The following FRMPD2 variants were observed in gnomAD, a reference collection of about 807,000 sequenced individuals.
FRMPD2 encodes FERM and PDZ domain containing 2, also known as FERM and PDZ domain-containing protein 2.
A neutral mutation model predicts 140.1 loss-of-function variants in FRMPD2; 96 were observed. The observed-to-expected ratio is 0.69, with a 90% CI of 0.58 to 0.81. The LOEUF (loss-of-function observed/expected upper bound fraction) is 0.81, where lower values mean the gene tolerates loss of function less well. Ranked by LOEUF, FRMPD2 falls within the 40% of genes least tolerant of loss-of-function variation. The pLI is 0.00. For missense variants in FRMPD2, 1,240 were observed against 1,447.4 expected, an observed-to-expected ratio of 0.86 and a Z score of 2.32; for synonymous variants, 449 against 547.6, an observed-to-expected ratio of 0.82 and a Z score of 2.52.
At chr10:48,237,214 G>A (rs1265634174) in intron 8 of FRMPD2, among the ~76,000 whole-genome samples, 1 of 152,046 alleles carries the variant, frequency 6.6e-6, no homozygotes, top group African/African-American at 2.4e-5. Context: ...GTGCCCCCAA[G>A]GGTACCTAGC....
At position 48,214,974 on chromosome 10, in the gene FRMPD2, A is replaced by G. The variant is rs565555106; in HGVS notation, c.1456-2865T>C. On this transcript the variant is annotated intron_variant, in intron 12 of 28. Transcript: ENST00000374201. ...TTCACAACTGTGTAAAAACCCCCGC[A>G]TGTGATCAAGGCAGGGAGAGAATGC... Among the ~76,000 whole-genome samples the G allele has an allele frequency of 2.0e-5, 3 of 152,354 alleles. No individual in the cohort carries two copies. In the South Asian group the frequency reaches 6.2e-4, roughly 32 times the overall value.
At chr10:48,230,669 T>C (rs970273969) in intron 10 of FRMPD2, among the ~76,000 whole-genome samples, 2 of 152,174 alleles carry the variant, frequency 1.3e-5, no homozygotes, top group Non-Finnish European at 2.9e-5. Context: ...AAGGTGAAAA[T>C]TGTATTACAC....
At chr10:48,189,887 C>T (rs568864470) in intron 16 of FRMPD2, among the ~76,000 whole-genome samples, 3 of 152,298 alleles carry the variant, frequency 2.0e-5, no homozygotes, top group Admixed American at 2.0e-4. Context: ...CAGACCAACC[C>T]ATATTCAGCT....
intron 3 of FRMPD2, among the ~76,000 whole-genome samples, chr10:48,245,992 C>T (rs978228096): frequency 6.6e-6 from 1 of 152,210 alleles, no homozygotes; most frequent in Non-Finnish European, 1.5e-5. Context: ...TCACCTGTGA[C>T]AACTCATTAG....
At chr10:48,184,443 A>G (rs975411709) in intron 20 of FRMPD2, 123 bp downstream of exon 20, 3 of 654,408 alleles carry the variant, frequency 4.6e-6, no homozygotes, top group Non-Finnish European at 2.7e-6. Flanking sequence ...TTTGCAAGCC[A>G]ACACCATGAG....
At chr10:48,200,808 G>T (rs966928000) in intron 15 of FRMPD2, among the ~76,000 whole-genome samples, 2 of 152,132 alleles carry the variant, frequency 1.3e-5, no homozygotes, top group African/African-American at 4.8e-5. Context: ...TATTTATCTG[G>T]TCTTCTATGT....
intron 9 of FRMPD2, among the ~76,000 whole-genome samples, chr10:48,234,196 G>C (rs867340947): frequency 6.6e-6 from 1 of 152,200 alleles, no homozygotes; most frequent in African/African-American, 2.4e-5. Context: ...CAGGGTCCCA[G>C]GTACCTGCAA....
At chr10:48,195,996 A>G (rs1838940867) in intron 15 of FRMPD2, among the ~76,000 whole-genome samples, 1 of 152,214 alleles carries the variant, frequency 6.6e-6, no homozygotes, top group Non-Finnish European at 1.5e-5. Flanking sequence ...ACCTGGGGGC[A>G]GTCAATCAGG....
intron 9 of FRMPD2, among the ~76,000 whole-genome samples, chr10:48,235,170 C>G (rs1564434376): frequency 6.6e-6 from 1 of 152,214 alleles, no homozygotes. Context: ...ACCCCAGCCC[C>G]TCACACACCA....
intron 10 of FRMPD2, among the ~76,000 whole-genome samples, chr10:48,224,760 T>C (rs1358745855): frequency 6.6e-6 from 1 of 152,038 alleles, no homozygotes; most frequent in Non-Finnish European, 1.5e-5. Context: ...GGCCACCTGA[T>C]TGGGAGAAGG....
At chr10:48,195,307 A>C (rs1041534452) in intron 15 of FRMPD2, among the ~76,000 whole-genome samples, 16 of 152,262 alleles carry the variant, frequency 1.1e-4, no homozygotes, top group Admixed American at 3.9e-4. Flanking sequence ...ATGCATTTGT[A>C]AAAGCTCAGT....
At chr10:48,256,216 C>T (rs953283969) in intron 1 of FRMPD2, among the ~76,000 whole-genome samples, 1 of 151,044 alleles carries the variant, frequency 6.6e-6, no homozygotes, top group African/African-American at 2.4e-5. Context: ...CTGCTCCCTG[C>T]CCCCCCACCC....
intron 20 of FRMPD2, among the ~76,000 whole-genome samples, chr10:48,183,087 T>C (rs1027097932): frequency 6.6e-6 from 1 of 152,172 alleles, no homozygotes; most frequent in Non-Finnish European, 1.5e-5. Context: ...GGGAGCTGCA[T>C]GGCACTGTGT....
intron 16 of FRMPD2, 110 bp downstream of exon 16, chr10:48,192,574 G>C (rs937024628): frequency 1.0e-6 from 1 of 999,050 alleles, no homozygotes; most frequent in African/African-American, 1.6e-5. Flanking sequence ...TGGGCAACAA[G>C]AGCAAAACTC....
At chr10:48,204,660 A>T (rs960283905) in intron 14 of FRMPD2, among the ~76,000 whole-genome samples, 2 of 152,236 alleles carry the variant, frequency 1.3e-5, no homozygotes, top group Non-Finnish European at 2.9e-5. Context: ...TTCAGCTTTT[A>T]AAAATTCATA....
chr10:48,183,079 G>T (rs578081558), intron 20 of FRMPD2, among the ~76,000 whole-genome samples: 2 of 152,312 alleles, frequency 1.3e-5, no homozygotes, highest in Middle Eastern at 3.4e-3. Context: ...CTGGACAGGG[G>T]AGCTGCATGG....
intron 16 of FRMPD2, among the ~76,000 whole-genome samples, chr10:48,190,078 C>T (rs1838793390): frequency 1.3e-5 from 2 of 152,198 alleles, no homozygotes; most frequent in African/African-American, 4.8e-5. Context: ...ATCCAGAACC[C>T]TGTCAGAAGG....
At chr10:48,271,208 T>C (rs1022108005) in intron 1 of FRMPD2, among the ~76,000 whole-genome samples, 1 of 152,174 alleles carries the variant, frequency 6.6e-6, no homozygotes, top group Non-Finnish European at 1.5e-5. Flanking sequence ...CCTTGCCTCC[T>C]GTCCTTCTGC....
At chr10:48,216,857 C>A (rs1839462446) in intron 12 of FRMPD2, among the ~76,000 whole-genome samples, 2 of 152,346 alleles carry the variant, frequency 1.3e-5, no homozygotes, top group Admixed American at 6.5e-5. Context: ...GCTTAGAGCA[C>A]CCTCCTCCCA....
Sources: allele counts gnomAD v4.1 joint callset (sites outside exome capture counted in the v4.1 genomes callset), GRCh38; gene constraint gnomAD v4.1.1; transcripts MANE v1.5; gene names NCBI Gene and HGNC (gene_info 2026-07-23, HGNC 2026-07-21).